HMGXB4: variants seen among roughly 807,000 people sequenced by gnomAD.
The protein encoded by HMGXB4 is HMG domain-containing protein 4.
In HMGXB4, 27 loss-of-function variants were observed where a neutral mutation model predicts 63.9. The ratio of observed to expected loss-of-function variants is 0.42; its 90% CI spans 0.31 to 0.58. HMGXB4 has a LOEUF of 0.58. HMGXB4 is among the 20% of genes least tolerant of loss of function. The pLI is 0.13. For synonymous variants in HMGXB4, 264 were observed against 265.3 expected, an observed-to-expected ratio of 0.99 and a Z score of 0.05; for missense variants, 624 against 700.7, an observed-to-expected ratio of 0.89 and a Z score of 1.24.
At position 35,288,441 on chromosome 22, in the gene HMGXB4, T is replaced by G. The variant is rs148592322; in HGVS notation, c.1638+34T>G. The G allele has an allele frequency of 1.2e-4, 177 of 1,488,978 alleles. 1 individual carries two copies. The East Asian group carries it at 4.2e-3, about 35-fold the overall frequency. 92.2% of individuals were successfully genotyped at this position (1,488,978 alleles called of 1,614,324 possible). A position where few individuals can be genotyped will look rare whatever the true frequency, so the allele number is the denominator to read the frequency against. ...AACTATCAGCAGCATGACTACAGTT[T>G]CCCATATAGTTTCCCATATAATTTT... On this transcript the variant is annotated intron_variant, in intron 9 of 10. Transcript: ENST00000216106.
chr22:35,263,675 A>G (rs993919709), intron 3 of HMGXB4, 121 bp from the exon 4 acceptor site: 17 of 703,122 alleles, frequency 2.4e-5, no homozygotes, highest in African/African-American at 1.6e-4. Context: ...CGTTATGCAC[A>G]TCTATTTTTA....
chr22:35,262,131 A>C, intron 1 of HMGXB4, 192 bp from the exon 2 acceptor site: 1 of 413,896 alleles, frequency 2.4e-6, no homozygotes, highest in East Asian at 3.9e-5. Context: ...ACTGAAATCT[A>C]ATTAAGCCTA....
chr22:35,250,570 A>T, the HMGXB4 span, among the ~76,000 whole-genome samples: 6 of 152,140 alleles, frequency 3.9e-5, no homozygotes, highest in Non-Finnish European at 5.9e-5. Flanking sequence ...ACCTCCAACC[A>T]TGAAGGTCAC....
chr22:35,242,645 G>T, the HMGXB4 span, among the ~76,000 whole-genome samples: 36 of 151,324 alleles, frequency 2.4e-4, no homozygotes, highest in African/African-American at 8.5e-4. Flanking sequence ...CCTCTTATTT[G>T]TATTATTTTA....
chr22:35,269,832 T>C lies in HMGXB4; in HGVS notation c.1215+4229T>C, dbSNP rs569372429. 1.8e-4 allele frequency among the ~76,000 whole-genome samples: 28 copies of C among 152,144 alleles called. No homozygotes were observed. The Middle Eastern group carries it at 0.014, about 74-fold the overall frequency. On this transcript the variant is annotated intron_variant, in intron 5 of 10. Coordinates refer to ENST00000216106, the MANE Select transcript of HMGXB4 (RefSeq NM_001003681.3). ...GGCTGGCCTGGGCAATCTAGCAAGA[T>C]CCAGGTGTGGTGACGCATGACTGGA...
rs1924564797 is a variant in HMGXB4, at chr22:35,286,147, A to G, written c.1362+86A>G. Reference sequence around the variant, plus strand: ...TCTTCCATAGACTAGCCAGCCAGACAGCACTGAAAATAGTGAAGAAAATTA... The same window carrying G: ...TCTTCCATAGACTAGCCAGCCAGACGGCACTGAAAATAGTGAAGAAAATTA... On this transcript the variant is annotated intron_variant, in intron 7 of 10. Coordinates refer to ENST00000216106, the MANE Select transcript of HMGXB4 (RefSeq NM_001003681.3). 5 of 929,030 alleles carry G rather than the reference A, an allele frequency of 5.4e-6. No individual in the cohort carries two copies. In the South Asian group the frequency reaches 6.3e-5, roughly 12 times the overall value. The allele number at this position is 929,030 out of a possible 1,614,324, so 57.5% of individuals were successfully genotyped here. A position where few individuals can be genotyped will look rare whatever the true frequency, so the allele number is the denominator to read the frequency against.
Position 35,288,154 on chromosome 22 carries a change from A to G in HMGXB4, c.1469-84A>G, listed in dbSNP as rs939424863. On this transcript the variant is annotated intron_variant, in intron 8 of 10. Transcript: ENST00000216106. Reference sequence around the variant, plus strand: ...TGCTAATGCCTGGTATAATTCATAAAAAGGGAAAATCAGGAAGAACAACTT... The same window carrying G: ...TGCTAATGCCTGGTATAATTCATAAGAAGGGAAAATCAGGAAGAACAACTT... 2.5e-6 allele frequency: 3 copies of G among 1,210,502 alleles called. No homozygotes were observed. The African/African-American group carries it at 4.7e-5, about 19-fold the overall frequency. 75.0% of individuals were successfully genotyped at this position (1,210,502 alleles called of 1,614,324 possible).
chr22:35,281,999 A>C (rs916791799), intron 5 of HMGXB4, among the ~76,000 whole-genome samples: 9 of 152,186 alleles, frequency 5.9e-5, no homozygotes, highest in African/African-American at 1.4e-4. Context: ...TTTTATGGGA[A>C]CAACATGAAG....
chr22:35,280,367 A>G (rs2146428313), intron 5 of HMGXB4, among the ~76,000 whole-genome samples: 1 of 152,356 alleles, frequency 6.6e-6, no homozygotes, highest in African/African-American at 2.4e-5. Context: ...GAAGCAATTC[A>G]CGTAACGAGT....
chr22:35,265,539 A>G lies in HMGXB4; in HGVS notation c.1151A>G (p.Asp384Gly). The G allele has an allele frequency of 2.5e-6, 4 of 1,607,434 alleles. No homozygotes were observed. The highest frequency in any genetic ancestry group is 1.1e-5 in the South Asian group (1 of 90,034). The change falls in exon 5 of 11, where the codon GAT becomes GGT. Residue 384 changes from aspartate (D) to glycine (G), a missense_variant. Around this residue, in one of 2 missense-constraint regions of HMGXB4, gnomAD observed 472 missense variants for 470.6 expected, o/e 1.00. Transcript: ENST00000216106. ...CTGCCACTTCCTGGCCTCCACACAG[A>G]TGGGCATAGTGAAAAAAAAAAGAAA... ...PPLPLPGLHT[D>G]GHSEKKKKKE...
chr22:35,285,784 G>C (rs749545420), intron 6 of HMGXB4, among the ~76,000 whole-genome samples: 3 of 152,174 alleles, frequency 2.0e-5, no homozygotes, highest in African/African-American at 7.2e-5. Context: ...GATGGGTTAC[G>C]AGTTGAGACT....
the HMGXB4 span, among the ~76,000 whole-genome samples, chr22:35,246,563 G>A: frequency 1.3e-5 from 2 of 152,164 alleles, no homozygotes; most frequent in African/African-American, 4.8e-5. Context: ...GTGAGCCACC[G>A]CTCCCGGCCG....
rs1297922930 is a variant in HMGXB4 at position 35,265,591 on chromosome 22, G to A, written c.1203G>A (p.Glu401=). ...AAGAAGAGAAGGACAAAGAGAGAGA[G>A]AGAGGAGAAAAGGTAAAGCATCTTT... is the stretch of plus-strand genomic sequence containing the variant. The part of the protein sequence containing the change: ...KKKEEKDKER[E]RGEKPKKKNM... Residue 401 remains glutamate (E), a synonymous_variant, in exon 5 of 11, where the codon GAG becomes GAA. Coordinates refer to ENST00000216106, the MANE Select transcript of HMGXB4 (RefSeq NM_001003681.3). 1 of 1,580,930 alleles carries A rather than the reference G, an allele frequency of 6.3e-7. No individual in the cohort carries two copies. Among genetic ancestry groups the A allele is most frequent in the Non-Finnish European group, 8.6e-7 (1 of 1,166,000 alleles).
Position 35,295,590 on chromosome 22 carries a change from T to C in HMGXB4, c.*1939T>C, listed in dbSNP as rs1302569412. The C allele has an allele frequency of 2.0e-5, 3 of 152,676 alleles. No individual in the cohort carries two copies. The highest frequency in any genetic ancestry group is 7.2e-5 in the African/African-American group (3 of 41,458). The allele number at this position is 152,676 out of a possible 1,614,324, so 9.5% of individuals were successfully genotyped here. The stretch of plus-strand genomic sequence containing the variant: ...AACCCAGCCCTATTGTATTTGTATT[T>C]AAAATTTGTACACATTTGTATAATA... On this transcript the variant is annotated 3_prime_UTR_variant, in exon 11 of 11. Transcript: ENST00000216106.
At chr22:35,285,317 G>T (rs1181726854) in intron 6 of HMGXB4, among the ~76,000 whole-genome samples, 7 of 152,182 alleles carry the variant, frequency 4.6e-5, no homozygotes, top group Non-Finnish European at 8.8e-5. Flanking sequence ...GGCCGAGGTG[G>T]GTGGATCACC....
chr22:35,245,421 T>A, the HMGXB4 span, among the ~76,000 whole-genome samples: 19 of 151,332 alleles, frequency 1.3e-4, no homozygotes, highest in Non-Finnish European at 2.2e-4. Flanking sequence ...CCTACAGCCC[T>A]CTTAAGAATT....
chr22:35,272,390 C>T (rs1923660353), intron 5 of HMGXB4, among the ~76,000 whole-genome samples: 2 of 152,050 alleles, frequency 1.3e-5, no homozygotes, highest in Admixed American at 1.3e-4. Flanking sequence ...ACACTATTTC[C>T]TGGGTGAAAA....
At chr22:35,246,368 G>A in the HMGXB4 span, among the ~76,000 whole-genome samples, 33 of 152,008 alleles carry the variant, frequency 2.2e-4, no homozygotes, top group Non-Finnish European at 2.9e-4. Flanking sequence ...TCCGCCTCCC[G>A]GGTTCACACC....
At chr22:35,261,317 T>C (rs1298953550) in intron 1 of HMGXB4, among the ~76,000 whole-genome samples, 2 of 151,730 alleles carry the variant, frequency 1.3e-5, no homozygotes, top group African/African-American at 2.4e-5. Flanking sequence ...GCGCCTGTAA[T>C]CTCAGCTACT....
Sources: gnomAD v4.1 joint callset for allele counts (sites outside exome capture counted in the v4.1 genomes callset) on GRCh38, gnomAD v4.1.1 for gene constraint, gnomAD v4.1.1 regional missense constraint, MANE v1.5 for transcripts, NCBI Gene and HGNC (gene_info 2026-07-23, HGNC 2026-07-21) for gene names.